Variants in NEMP2 observed in about 807,000 individuals in gnomAD.
The protein encoded by NEMP2 is UPF0571 transmembrane protein.
In NEMP2, 53 loss-of-function variants were observed where a neutral mutation model predicts 54.2. The observed-to-expected ratio is 0.98, with a 90% CI of 0.78 to 1.23. The LOEUF is 1.23. NEMP2 is among the 50% of genes most tolerant of loss of function. The pLI is 0.00. For missense variants in NEMP2, 455 were observed against 511.3 expected (o/e 0.89, Z 1.06); for synonymous variants, 197 against 190.3 (o/e 1.04, Z -0.29).
chr2:190,596,596 A>C, the NEMP2 span, among the ~76,000 whole-genome samples: 10 of 152,160 alleles, frequency 6.6e-5, no homozygotes, highest in Non-Finnish European at 7.4e-5. This position sits in a 1 kb window ranked among gnomAD's most constrained non-coding sequence, Gnocchi z 5.1. Context: ...TTTTACTTAG[A>C]TCTAAATCTT....
At chr2:190,593,188 G>A in the NEMP2 span, among the ~76,000 whole-genome samples, 1 of 152,200 alleles carries the variant, frequency 6.6e-6, no homozygotes, top group Non-Finnish European at 1.5e-5. The surrounding 1 kb of genome is among the most constrained non-coding windows in gnomAD (Gnocchi z 4.5). Flanking sequence ...CAGCCGCAAA[G>A]GCATCTGCCA....
the NEMP2 span, among the ~76,000 whole-genome samples, chr2:190,572,836 TA>T: frequency 7.6e-3 from 710 of 93,884 alleles, 39 homozygotes; most frequent in East Asian, 0.02. Context: ...TTCATGAGTA[TA>T]TATATATATA....
chr2:190,525,299 G>C lies in NEMP2; in HGVS notation c.177C>G (p.Ser59=), dbSNP rs1690893259. 1 of 1,550,368 alleles carries C rather than the reference G, an allele frequency of 6.5e-7. No homozygotes were observed. Among genetic ancestry groups the C allele is most frequent in the Non-Finnish European group, 8.7e-7 (1 of 1,146,104 alleles). The change falls in exon 2 of 9, where the codon TCC becomes TCG. Residue 59 remains serine (S), a synonymous_variant. Coordinates refer to ENST00000409150, the MANE Select transcript of NEMP2 (RefSeq NM_001142645.2). The surrounding 1 kb of genome is among the most constrained non-coding windows in gnomAD (Gnocchi z 5.0). The part of the protein sequence containing the change: ...ESDCYCYNQN[S]QVEWKYIWST... ...ACCATATGTATTTCCACTCCACTTG[G>C]GAATTTTGATTGTAGCAGTAACAGT... is the stretch of plus-strand genomic sequence containing the variant.
Position 190,512,383 on chromosome 2 carries a change from T to C in NEMP2, c.954-1846A>G, listed in dbSNP as rs1244567518. Among the ~76,000 whole-genome samples, 1 of 152,220 alleles carries C rather than the reference T, an allele frequency of 6.6e-6. No individual in the cohort carries two copies. The highest frequency in any genetic ancestry group is 2.4e-5 in the African/African-American group (1 of 41,454). On this transcript the variant is annotated intron_variant, in intron 7 of 8. Transcript: ENST00000409150. The surrounding 1 kb of genome is among the most constrained non-coding windows in gnomAD (Gnocchi z 4.5). Reference sequence around the variant, plus strand: ...CAATAAGGATAATCAAAAGAGTAGTTACCATATACTATTAAAATATAAGTA... The same window carrying C: ...CAATAAGGATAATCAAAAGAGTAGTCACCATATACTATTAAAATATAAGTA...
downstream of NEMP2, chr2:190,502,042 T>C (rs987610289): frequency 1.4e-4 from 22 of 152,640 alleles, no homozygotes; most frequent in Non-Finnish European, 2.2e-4. The surrounding 1 kb of genome is among the most constrained non-coding windows in gnomAD (Gnocchi z 4.4). Flanking sequence ...AAATGCACAG[T>C]TGACATGTTG....
At chr2:190,436,996 C>T in the NEMP2 span, 13 of 1,614,106 alleles carry the variant, frequency 8.1e-6, no homozygotes, top group Admixed American at 1.7e-5. The surrounding 1 kb of genome is among the most constrained non-coding windows in gnomAD (Gnocchi z 5.3). Context: ...ACACAGAGAT[C>T]GCTATGGGTT....
At chr2:190,638,513 C>T in the NEMP2 span, among the ~76,000 whole-genome samples, 2 of 152,172 alleles carry the variant, frequency 1.3e-5, no homozygotes. The surrounding 1 kb of genome is among the most constrained non-coding windows in gnomAD (Gnocchi z 5.7). Flanking sequence ...CTGACGAAAA[C>T]GAACCTTGAC....
At chr2:190,467,600 G>A in the NEMP2 span, among the ~76,000 whole-genome samples, 28 of 152,218 alleles carry the variant, frequency 1.8e-4, no homozygotes, top group African/African-American at 6.5e-4. This position sits in a 1 kb window ranked among gnomAD's most constrained non-coding sequence, Gnocchi z 5.5. Flanking sequence ...GCAACAGAGC[G>A]AGACTCTGTC....
the NEMP2 span, chr2:190,610,306 G>A: frequency 2.6e-5 from 4 of 152,144 alleles, no homozygotes; most frequent in African/African-American, 9.7e-5. This position sits in a 1 kb window ranked among gnomAD's most constrained non-coding sequence, Gnocchi z 5.4. Context: ...TTGTTCCATA[G>A]AAGGAATCTA....
the NEMP2 span, among the ~76,000 whole-genome samples, chr2:190,587,039 T>C: frequency 6.6e-6 from 1 of 152,164 alleles, no homozygotes; most frequent in Non-Finnish European, 1.5e-5. This position sits in a 1 kb window ranked among gnomAD's most constrained non-coding sequence, Gnocchi z 5.4. Context: ...CACACAATGA[T>C]ATGAGATGCT....
the NEMP2 span, among the ~76,000 whole-genome samples, chr2:190,554,871 T>A: frequency 6.6e-6 from 1 of 152,114 alleles, no homozygotes; most frequent in Non-Finnish European, 1.5e-5. The surrounding 1 kb of genome is among the most constrained non-coding windows in gnomAD (Gnocchi z 5.7). Context: ...GGGAGACACC[T>A]CCCAATAGGG....
the NEMP2 span, among the ~76,000 whole-genome samples, chr2:190,423,661 G>A: frequency 6.6e-6 from 1 of 152,186 alleles, no homozygotes; most frequent in Non-Finnish European, 1.5e-5. The surrounding 1 kb of genome is among the most constrained non-coding windows in gnomAD (Gnocchi z 4.3). Context: ...TCCCAGAAGT[G>A]TAATTACTGG....
At chr2:190,544,645 T>C in the NEMP2 span, among the ~76,000 whole-genome samples, 34,182 of 152,074 alleles carry the variant, frequency 0.22, 4,923 homozygotes, top group South Asian at 0.33. Flanking sequence ...GATTGGTGAT[T>C]ACTGAATCAT....
At chr2:190,484,568 T>C in the NEMP2 span, among the ~76,000 whole-genome samples, 1 of 152,282 alleles carries the variant, frequency 6.6e-6, no homozygotes, top group South Asian at 2.1e-4. Flanking sequence ...TTTTTTGTTA[T>C]TTTAAAACGA....
chr2:190,629,945 A>G, the NEMP2 span: 19 of 152,374 alleles, frequency 1.2e-4, no homozygotes, highest in African/African-American at 4.1e-4. Flanking sequence ...GTACAATCCT[A>G]AAGACAAAAC....
downstream of NEMP2, among the ~76,000 whole-genome samples, chr2:190,503,964 ACT>A (rs755891177): frequency 2.6e-5 from 4 of 152,128 alleles, no homozygotes; most frequent in Non-Finnish European, 4.4e-5. This position sits in a 1 kb window ranked among gnomAD's most constrained non-coding sequence, Gnocchi z 6.3. Flanking sequence ...TGTGTACCTA[ACT>A]CTCAACCAGC....
chr2:190,638,774 A>C, the NEMP2 span, among the ~76,000 whole-genome samples: 17 of 152,280 alleles, frequency 1.1e-4, no homozygotes, highest in African/African-American at 3.8e-4. The surrounding 1 kb of genome is among the most constrained non-coding windows in gnomAD (Gnocchi z 5.7). Flanking sequence ...TTGCATCTGC[A>C]AAATGAAGAA....
the NEMP2 span, among the ~76,000 whole-genome samples, chr2:190,434,641 C>T: frequency 6.6e-6 from 1 of 152,118 alleles, no homozygotes; most frequent in African/African-American, 2.4e-5. The surrounding 1 kb of genome is among the most constrained non-coding windows in gnomAD (Gnocchi z 4.3). Flanking sequence ...ACCATGTTGG[C>T]CAGGATGGTC....
the NEMP2 span, among the ~76,000 whole-genome samples, chr2:190,571,923 C>G: frequency 6.6e-6 from 1 of 152,096 alleles, no homozygotes; most frequent in Non-Finnish European, 1.5e-5. Context: ...TCTCTCTACC[C>G]TCTCCACCTC....
Sources: allele counts gnomAD v4.1 joint callset (sites outside exome capture counted in the v4.1 genomes callset), GRCh38; gene constraint gnomAD v4.1.1; non-coding constraint Gnocchi (gnomAD v3.1); transcripts MANE v1.5; gene names NCBI Gene and HGNC (gene_info 2026-07-23, HGNC 2026-07-21).